The following GALNT2 variants were observed in gnomAD, a reference collection of about 807,000 sequenced individuals.
GALNT2 encodes the protein polypeptide N-acetylgalactosaminyltransferase 2.
Under a neutral mutation model 81.4 loss-of-function variants are expected in GALNT2, and 31 were observed. That is an observed-to-expected ratio of 0.38 (90% CI 0.29 to 0.51). GALNT2 has a LOEUF of 0.51. Ranked by LOEUF, GALNT2 falls within the 20% of genes least tolerant of loss-of-function variation. The pLI is 0.87. For missense variants in GALNT2, 629 were observed against 765.7 expected, an observed-to-expected ratio of 0.82 and a Z score of 2.11; for synonymous variants, 303 against 287.4, an observed-to-expected ratio of 1.05 and a Z score of -0.55.
intron 2 of GALNT2, among the ~76,000 whole-genome samples, chr1:230,190,733 T>C (rs1303550249): frequency 1.3e-5 from 2 of 152,124 alleles, no homozygotes; most frequent in African/African-American, 4.8e-5. Context: ...AGCACTGTGG[T>C]GTACCATCTC....
intron 1 of GALNT2, among the ~76,000 whole-genome samples, chr1:230,124,396 G>T (rs1050913950): frequency 5.3e-5 from 8 of 152,152 alleles, no homozygotes; most frequent in Admixed American, 5.2e-4. Context: ...TACTGGACTT[G>T]TGGCAAGCTG....
intron 6 of GALNT2, among the ~76,000 whole-genome samples, chr1:230,241,064 A>G (rs1322056625): frequency 1.3e-5 from 2 of 152,116 alleles, no homozygotes; most frequent in Non-Finnish European, 2.9e-5. Context: ...TCTTTTTTAT[A>G]GTTTTTATTT....
At chr1:230,189,418 G>T (rs1231438688) in intron 2 of GALNT2, among the ~76,000 whole-genome samples, 4 of 152,162 alleles carry the variant, frequency 2.6e-5, no homozygotes, top group Non-Finnish European at 5.9e-5. Flanking sequence ...AATGAAATGG[G>T]AATGATGAAA....
At chr1:230,090,321 T>C (rs561763504) in intron 1 of GALNT2, among the ~76,000 whole-genome samples, 33 of 152,320 alleles carry the variant, frequency 2.2e-4, no homozygotes, top group South Asian at 8.3e-4. Flanking sequence ...GAGTCACTTA[T>C]CTTCTGGGGG....
chr1:230,261,319 G>A (rs1215774128), intron 11 of GALNT2, among the ~76,000 whole-genome samples: 1 of 152,054 alleles, frequency 6.6e-6, no homozygotes, highest in Non-Finnish European at 1.5e-5. Context: ...AAAGATATAG[G>A]CCCCATACAG....
intron 1 of GALNT2, among the ~76,000 whole-genome samples, chr1:230,130,597 C>T (rs567472193): frequency 1.3e-4 from 20 of 152,236 alleles, no homozygotes; most frequent in East Asian, 1.2e-3. Context: ...CCCTGGGGAC[C>T]GACCCCTGTG....
intron 1 of GALNT2, among the ~76,000 whole-genome samples, chr1:230,148,800 T>TG (rs1662003998): frequency 6.6e-6 from 1 of 152,034 alleles, no homozygotes; most frequent in Non-Finnish European, 1.5e-5. Context: ...TTGCCCAGGC[T>TG]GGTCTCAAAC....
chr1:230,228,325 A>G (rs529586753), intron 3 of GALNT2, among the ~76,000 whole-genome samples: 40 of 152,230 alleles, frequency 2.6e-4, no homozygotes, highest in African/African-American at 9.1e-4. Context: ...GCAAATGGTC[A>G]CAAATATCCA....
chr1:230,214,617 CATA>C (rs1315688837), intron 3 of GALNT2, among the ~76,000 whole-genome samples: 7 of 152,042 alleles, frequency 4.6e-5, no homozygotes, highest in African/African-American at 1.7e-4. Flanking sequence ...GCAATTTTGC[CATA>C]ATATGCCTAG....
intron 3 of GALNT2, among the ~76,000 whole-genome samples, chr1:230,224,882 T>C (rs1664659266): frequency 7.2e-6 from 1 of 139,162 alleles, no homozygotes; most frequent in Non-Finnish European, 1.7e-5. Context: ...TGCTTCCGAC[T>C]CCTATACGTT....
intron 3 of GALNT2, among the ~76,000 whole-genome samples, chr1:230,233,965 C>CG (rs1664945460): frequency 6.6e-6 from 1 of 151,812 alleles, no homozygotes. Flanking sequence ...CACAGGGTCT[C>CG]GGGGAGGTGG....
In GALNT2 at chr1:230,162,349, C is replaced by T. The variant is rs117211464; in HGVS notation, c.127-15869C>T. ...CTCATCCTCTGAGAATTTAGCATTC[C>T]GGGTGATGCTACTAAGATGGATGAA... On this transcript the variant is annotated intron_variant, in intron 1 of 15. Transcript: ENST00000366672. Among the ~76,000 whole-genome samples, 658 of 152,246 alleles carry T rather than the reference C, an allele frequency of 4.3e-3. 15 individuals carry two copies. The East Asian group carries it at 0.068, about 16-fold the overall frequency.
chr1:230,252,037 C>T (rs147789677), intron 10 of GALNT2, among the ~76,000 whole-genome samples: 197 of 152,278 alleles, frequency 1.3e-3, no homozygotes, highest in African/African-American at 4.4e-3. Context: ...CACATCTCTG[C>T]CCAGGAAGGC....
At chr1:230,079,536 C>T (rs1478283415) in intron 1 of GALNT2, among the ~76,000 whole-genome samples, 2 of 152,222 alleles carry the variant, frequency 1.3e-5, no homozygotes, top group Non-Finnish European at 2.9e-5. Context: ...CCCTGGCTGT[C>T]CTGGTCTTAG....
intron 1 of GALNT2, among the ~76,000 whole-genome samples, chr1:230,140,092 T>C (rs1418733771): frequency 6.6e-6 from 1 of 152,230 alleles, no homozygotes; most frequent in Non-Finnish European, 1.5e-5. Context: ...GTCTGCTGAG[T>C]GCGCCCTCCC....
chr1:230,262,808 C>A, intron 12 of GALNT2, 114 bp from the exon 13 acceptor site: 1 of 1,282,248 alleles, frequency 7.8e-7, no homozygotes, highest in Non-Finnish European at 1.1e-6. Context: ...CATGGGCAGT[C>A]CACACCACAC....
Position 230,203,296 on chromosome 1 carries a change from T to C in GALNT2, c.374+6T>C. ...CCTGACACCCGGCATGACCAGTAAG[T>C]ACCCCACTAAGCACCTGCTGCAGCT... On this transcript the variant is annotated splice_donor_region_variant and intron_variant, in intron 3 of 15. Coordinates refer to ENST00000366672, the MANE Select transcript of GALNT2 (RefSeq NM_004481.5). 6.2e-7 allele frequency: 1 copy of C among 1,613,572 alleles called. No homozygotes were observed. Among genetic ancestry groups the C allele is most frequent in the Non-Finnish European group, 8.5e-7 (1 of 1,179,606 alleles).
chr1:230,115,311 A>G (rs753060865), intron 1 of GALNT2, among the ~76,000 whole-genome samples: 29 of 152,050 alleles, frequency 1.9e-4, no homozygotes, highest in Admixed American at 5.2e-4. Context: ...TGTACATTCT[A>G]TGGGTTTGGA....
At chr1:230,103,549 A>G (rs1442637073) in intron 1 of GALNT2, among the ~76,000 whole-genome samples, 1 of 152,128 alleles carries the variant, frequency 6.6e-6, no homozygotes, top group Non-Finnish European at 1.5e-5. Context: ...TCTGGGGCAG[A>G]TGCCACCAGG....
Sources: allele counts gnomAD v4.1 joint callset (sites outside exome capture counted in the v4.1 genomes callset), GRCh38; gene constraint gnomAD v4.1.1; transcripts MANE v1.5; gene names NCBI Gene and HGNC (gene_info 2026-07-23, HGNC 2026-07-21).